The following ACER1 variants were observed in gnomAD, a reference collection of about 807,000 sequenced individuals.
ACER1 encodes alkaline ceramidase 1.
In ACER1, 28 loss-of-function variants were observed where a neutral mutation model predicts 24.9. The ratio of observed to expected loss-of-function variants is 1.13; its 90% CI spans 0.83 to 1.54. The LOEUF is 1.54. ACER1 is among the 40% of genes most tolerant of loss of function. The pLI is 0.00. For synonymous variants in ACER1, 132 were observed against 131.4 expected, an observed-to-expected ratio of 1.00 and a Z score of -0.03; for missense variants, 352 against 349.3, an observed-to-expected ratio of 1.01 and a Z score of -0.06.
upstream of ACER1, among the ~76,000 whole-genome samples, chr19:6,336,287 A>G (rs566952112): frequency 6.5e-4 from 98 of 151,900 alleles, 1 homozygote; most frequent in South Asian, 0.012. Flanking sequence ...GCCTTGCTTG[A>G]TCTCCTGAGC....
rs139552814 is a variant in ACER1, at chr19:6,312,473, G to A, written c.120C>T (p.Phe40=). 2.2e-4 allele frequency: 352 copies of A among 1,613,804 alleles called. 3 individuals are homozygous for A. In the African/African-American group the frequency reaches 3.7e-3, roughly 17 times the overall value. Residue 40 remains phenylalanine, a synonymous_variant, in exon 2 of 6, where the codon TTC becomes TTT. Transcript: ENST00000301452. ...GCATCAGGAGCATCATCAGTGGCCCGAAGATGAAGAAGGGGATATTGGAGA... is the reference window on the plus strand; with the variant it reads ...GCATCAGGAGCATCATCAGTGGCCCAAAGATGAAGAAGGGGATATTGGAGA... The part of the protein sequence containing the change: ...NTFSNIPFFI[F]GPLMMLLMHP...
chr19:6,335,041 A>G (rs1299917977), upstream of ACER1, among the ~76,000 whole-genome samples: 1 of 147,034 alleles, frequency 6.8e-6, no homozygotes, highest in African/African-American at 2.5e-5. Flanking sequence ...ATTATATAAT[A>G]GCAATATTAT....
intron 1 of ACER1, among the ~76,000 whole-genome samples, chr19:6,331,554 G>A (rs1279022327): frequency 2.6e-5 from 4 of 151,796 alleles, no homozygotes; most frequent in Non-Finnish European, 5.9e-5. Context: ...AGCACTTTGG[G>A]AGGCTGAGGT....
At chr19:6,313,945 A>G (rs1477945506) in intron 1 of ACER1, among the ~76,000 whole-genome samples, 1 of 152,086 alleles carries the variant, frequency 6.6e-6, no homozygotes, top group Non-Finnish European at 1.5e-5. Flanking sequence ...TCTTCCCTAT[A>G]CAGTCATCAG....
chr19:6,338,283 T>A (rs2091722738), upstream of ACER1, among the ~76,000 whole-genome samples: 1 of 152,106 alleles, frequency 6.6e-6, no homozygotes. Context: ...TGAGCTACTG[T>A]GCCCTGGCCA....
At chr19:6,318,175 C>T (rs200802582) in intron 1 of ACER1, among the ~76,000 whole-genome samples, 53 of 150,860 alleles carry the variant, frequency 3.5e-4, no homozygotes, top group Non-Finnish European at 6.5e-4. Flanking sequence ...AAAAAAAGTA[C>T]AAAAAATTAG....
intron 1 of ACER1, among the ~76,000 whole-genome samples, chr19:6,319,022 T>C (rs2091617467): frequency 6.6e-6 from 1 of 151,824 alleles, no homozygotes; most frequent in African/African-American, 2.4e-5. Flanking sequence ...ATGCGGGCCA[T>C]GCACAAGATG....
the ACER1 span, among the ~76,000 whole-genome samples, chr19:6,355,266 G>A: frequency 1.9e-4 from 29 of 151,692 alleles, no homozygotes; most frequent in African/African-American, 5.1e-4. Context: ...AGTGAGGAGC[G>A]TCTCTGCCTG....
At chr19:6,310,875 C>T (rs1320394397) in intron 3 of ACER1, among the ~76,000 whole-genome samples, 1 of 116,096 alleles carries the variant, frequency 8.6e-6, no homozygotes, top group South Asian at 2.5e-4. Flanking sequence ...GAGACTTCAT[C>T]TAAAAAAAAA....
the ACER1 span, among the ~76,000 whole-genome samples, chr19:6,339,474 G>T: frequency 1.2e-4 from 18 of 152,210 alleles, no homozygotes; most frequent in African/African-American, 4.3e-4. Flanking sequence ...GGGGGATAGG[G>T]AGTGAGTGTT....
intron 1 of ACER1, among the ~76,000 whole-genome samples, chr19:6,329,356 T>TATAGGATAGAATAGA (rs1555716483): frequency 7.5e-6 from 1 of 133,938 alleles, no homozygotes; most frequent in East Asian, 2.3e-4. Flanking sequence ...GGCTTTTTGA[T>TATAGGATAGAATAGA]ATAGAATAGA....
chr19:6,326,372 G>C (rs112451388), intron 1 of ACER1, among the ~76,000 whole-genome samples: 21,032 of 151,582 alleles, frequency 0.14, 2,745 homozygotes, highest in African/African-American at 0.35. Flanking sequence ...GTGATCCGCC[G>C]GCCTCGGCCT....
At chr19:6,347,129 T>TATATAA in the ACER1 span, among the ~76,000 whole-genome samples, 21 of 139,834 alleles carry the variant, frequency 1.5e-4, no homozygotes, top group Non-Finnish European at 3.0e-4. Flanking sequence ...TATATATATA[T>TATATAA]ATAAAATAAT....
At chr19:6,310,154 C>T (rs1600234190) in intron 3 of ACER1, among the ~76,000 whole-genome samples, 2 of 151,930 alleles carry the variant, frequency 1.3e-5, no homozygotes, top group South Asian at 4.1e-4. Flanking sequence ...GCAGTGCGAT[C>T]TGGGCTCGCT....
the ACER1 span, among the ~76,000 whole-genome samples, chr19:6,359,352 C>G: frequency 6.8e-6 from 1 of 146,656 alleles, no homozygotes; most frequent in South Asian, 2.1e-4. Flanking sequence ...GAGTTTTGCT[C>G]TTGTTGCCCA....
At chr19:6,311,558 G>GAGGAGGAGGAGGAGGAAGAAAA (rs2091580537) in intron 3 of ACER1, among the ~76,000 whole-genome samples, 1 of 151,056 alleles carries the variant, frequency 6.6e-6, no homozygotes, top group Non-Finnish European at 1.5e-5. Context: ...GAAGAAGAAG[G>GAGGAGGAGGAGGAGGAAGAAAA]AGGAGGAGGA....
At chr19:6,359,752 T>A in the ACER1 span, among the ~76,000 whole-genome samples, 22 of 152,198 alleles carry the variant, frequency 1.4e-4, no homozygotes. Flanking sequence ...CAATAAATCA[T>A]TCAAACTGAG....
At chr19:6,322,973 G>A (rs766667478) in intron 1 of ACER1, among the ~76,000 whole-genome samples, 11 of 152,056 alleles carry the variant, frequency 7.2e-5, no homozygotes, top group Non-Finnish European at 1.2e-4. Context: ...TTAGCCAGGT[G>A]TGGTGGTGCA....
Position 6,307,890 on chromosome 19 carries a change from C to T in ACER1, c.489-600G>A, listed in dbSNP as rs562412212. On this transcript the variant is annotated intron_variant, in intron 4 of 5. Coordinates refer to ENST00000301452, the MANE Select transcript of ACER1 (RefSeq NM_133492.3). ...TCACTTCAGGCCAGAAGTTTGAGAC[C>T]AGCTTGGCCAACATGGTGAAACTCT... 5.9e-5 allele frequency among the ~76,000 whole-genome samples: 9 copies of T among 151,802 alleles called. No individual in the cohort carries two copies. In the South Asian group the frequency reaches 1.9e-3, roughly 32 times the overall value.
Sources: gnomAD v4.1 joint callset for allele counts (sites outside exome capture counted in the v4.1 genomes callset) on GRCh38, gnomAD v4.1.1 for gene constraint, MANE v1.5 for transcripts, NCBI Gene and HGNC (gene_info 2026-07-23, HGNC 2026-07-21) for gene names.